SLC30A8: variants seen among roughly 807,000 people sequenced by gnomAD.
SLC30A8 encodes the protein proton-coupled zinc antiporter SLC30A8.
Under a neutral mutation model 36.9 loss-of-function variants are expected in SLC30A8, and 27 were observed. That is an observed-to-expected ratio of 0.73 (90% CI 0.54 to 1.01). The LOEUF is 1.01. Ranked by LOEUF, SLC30A8 falls within the 50% of genes least tolerant of loss-of-function variation. SLC30A8 has a pLI of 0.00. For missense variants in SLC30A8, 439 were observed against 452.0 expected (o/e 0.97, Z 0.26); for synonymous variants, 164 against 172.4 (o/e 0.95, Z 0.38).
chr8:117,050,346 G>A (rs914062237), intron 2 of SLC30A8, among the ~76,000 whole-genome samples: 17 of 152,070 alleles, frequency 1.1e-4, no homozygotes, highest in African/African-American at 4.1e-4. Flanking sequence ...CAAATGAGGG[G>A]GAGCAAGAGC....
At chr8:117,139,259 G>A (rs1239212947) in intron 1 of SLC30A8, among the ~76,000 whole-genome samples, 1 of 152,036 alleles carries the variant, frequency 6.6e-6, no homozygotes, top group Non-Finnish European at 1.5e-5. Context: ...GGGCCTCTAA[G>A]GAAGTAATTA....
intron 1 of SLC30A8, among the ~76,000 whole-genome samples, chr8:117,016,377 C>G (rs901951380): frequency 2.6e-5 from 4 of 152,126 alleles, no homozygotes; most frequent in Admixed American, 2.0e-4. Context: ...TAATGTCAGA[C>G]TATAGTTGGG....
intron 1 of SLC30A8, among the ~76,000 whole-genome samples, chr8:116,978,379 A>G (rs1412849085): frequency 1.3e-5 from 2 of 152,124 alleles, no homozygotes; most frequent in Non-Finnish European, 2.9e-5. Flanking sequence ...GCATCATTGA[A>G]TAGAAATGAA....
intron 1 of SLC30A8, among the ~76,000 whole-genome samples, chr8:117,137,491 TTTA>T (rs1289528722): frequency 3.9e-5 from 6 of 151,960 alleles, no homozygotes; most frequent in Non-Finnish European, 8.8e-5. Flanking sequence ...CAACAACTAT[TTTA>T]TTACGATTCT....
At chr8:117,111,298 C>T (rs1164483012) in intron 2 of SLC30A8, among the ~76,000 whole-genome samples, 1 of 152,108 alleles carries the variant, frequency 6.6e-6, no homozygotes, top group Non-Finnish European at 1.5e-5. Context: ...AAGTGGTGTT[C>T]AGGTTAGGAA....
rs1283199480 is a variant in SLC30A8, at chr8:117,161,767, T to C, written c.602T>C (p.Leu201Pro). 18 of 1,613,732 alleles carry C rather than the reference T, an allele frequency of 1.1e-5. No homozygotes were observed. The highest frequency in any genetic ancestry group is 1.5e-5 in the Non-Finnish European group (18 of 1,179,770). Residue 201 changes from leucine (L) to proline (P), a missense_variant, in exon 5 of 8, where the codon CTT becomes CCT. Leu to Pro is a moderately conservative substitution (Grantham distance 98). Coordinates refer to ENST00000456015, the MANE Select transcript of SLC30A8 (RefSeq NM_173851.3). ...ACTGTGGTTTTGCACCAGAGATGCC[T>C]TGGCCACAATCACAAGGAAGTACAA... ...VLTVVLHQRCLGHNHKEVQAN... is the reference protein window; with the variant it reads ...VLTVVLHQRCPGHNHKEVQAN...
intron 2 of SLC30A8, among the ~76,000 whole-genome samples, chr8:117,042,674 T>C (rs1339982621): frequency 5.1e-5 from 7 of 138,398 alleles, no homozygotes; most frequent in East Asian, 4.1e-4. Flanking sequence ...AATTTAGTGC[T>C]TTTTTTTTTT....
chr8:116,955,763 G>A (rs76157733), intron 1 of SLC30A8, among the ~76,000 whole-genome samples: 2,213 of 151,828 alleles, frequency 0.015, 63 homozygotes, highest in African/African-American at 0.051. Flanking sequence ...AAAAGACAGA[G>A]ATGCTGAGGT....
At chr8:117,013,544 CA>C (rs1816414719) in intron 1 of SLC30A8, among the ~76,000 whole-genome samples, 1 of 152,110 alleles carries the variant, frequency 6.6e-6, no homozygotes, top group African/African-American at 2.4e-5. Flanking sequence ...AATATTCATT[CA>C]TTTTTTTCTC....
intron 1 of SLC30A8, among the ~76,000 whole-genome samples, chr8:117,031,467 C>CA (rs1817045938): frequency 7.0e-6 from 1 of 143,474 alleles, no homozygotes. Context: ...TTCTTCTTTT[C>CA]TTTTTTTTTT....
intron 1 of SLC30A8, among the ~76,000 whole-genome samples, chr8:116,966,080 C>T (rs1814590964): frequency 6.6e-6 from 1 of 151,992 alleles, no homozygotes; most frequent in Non-Finnish European, 1.5e-5. Context: ...GACAGGGTTT[C>T]ACCATGTTAG....
intron 1 of SLC30A8, among the ~76,000 whole-genome samples, chr8:116,958,739 A>T (rs1246452391): frequency 1.3e-5 from 2 of 150,026 alleles, no homozygotes; most frequent in East Asian, 3.9e-4. Context: ...TTTTATCATC[A>T]CTTTAAGTAT....
intron 1 of SLC30A8, chr8:117,007,012 G>C (rs1334945391): frequency 7.9e-6 from 1 of 126,974 alleles, no homozygotes; most frequent in East Asian, 2.4e-4. Context: ...CCCCATGTTG[G>C]CCAGGCTGGT....
intron 1 of SLC30A8, among the ~76,000 whole-genome samples, chr8:117,008,655 C>T (rs1489646731): frequency 6.6e-6 from 1 of 152,160 alleles, no homozygotes; most frequent in Non-Finnish European, 1.5e-5. Context: ...ACCTTGTTTA[C>T]AGAGGTGGTG....
chr8:117,169,152 C>G (rs1037455271), intron 6 of SLC30A8, among the ~76,000 whole-genome samples: 9 of 152,130 alleles, frequency 5.9e-5, no homozygotes, highest in Non-Finnish European at 1.0e-4. Flanking sequence ...TCTTTTGCCA[C>G]TCATAGAGTA....
intron 2 of SLC30A8, among the ~76,000 whole-genome samples, chr8:117,053,924 T>C (rs553094757): frequency 2.0e-5 from 3 of 152,308 alleles, no homozygotes; most frequent in East Asian, 1.9e-4. Context: ...TTCAGAGTTA[T>C]GGAAGTGAGC....
At chr8:117,157,616 T>C in intron 3 of SLC30A8, 75 bp from the exon 4 acceptor site, 1 of 1,540,448 alleles carries the variant, frequency 6.5e-7, no homozygotes. Context: ...CAAAGTGTCT[T>C]ATGACTCTTG....
rs1375647802 is a variant in SLC30A8, at chr8:117,174,077, C to T, written c.*1396C>T. The T allele has an allele frequency of 2.0e-5, 3 of 152,136 alleles. No homozygotes were observed. The highest frequency in any genetic ancestry group is 4.4e-5 in the Non-Finnish European group (3 of 68,028). The allele number at this position is 152,136 out of a possible 1,614,324, so 9.4% of individuals were successfully genotyped here. ...AGCTTTTAGTTGAAAAAGCAAAATA[C>T]ATGATGCAAAGAAACCTCTCCACGC... On this transcript the variant is annotated 3_prime_UTR_variant, in exon 8 of 8. Coordinates refer to ENST00000456015, the MANE Select transcript of SLC30A8 (RefSeq NM_173851.3).
chr8:117,115,584 A>T (rs1031127715), intron 2 of SLC30A8, among the ~76,000 whole-genome samples: 1 of 152,106 alleles, frequency 6.6e-6, no homozygotes, highest in East Asian at 1.9e-4. Flanking sequence ...AGACAAACAC[A>T]TGTTTTTTCC....
Sources: allele counts gnomAD v4.1 joint callset (sites outside exome capture counted in the v4.1 genomes callset), GRCh38; gene constraint gnomAD v4.1.1; transcripts MANE v1.5; gene names NCBI Gene and HGNC (gene_info 2026-07-23, HGNC 2026-07-21).